GRAMD1B: variants seen among roughly 807,000 people sequenced by gnomAD.
The protein encoded by GRAMD1B is GRAM domain containing 1B.
GRAMD1B carries 37 observed loss-of-function variants against 99.7 expected under a neutral mutation model. That is an observed-to-expected ratio of 0.37 (90% CI 0.29 to 0.49). The LOEUF is 0.49. Among genes scored for constraint, GRAMD1B ranks in the 20% least tolerant of loss-of-function variants. The pLI is 0.98. For missense variants in GRAMD1B, 888 were observed against 1,009.2 expected (o/e 0.88, Z 1.63); for synonymous variants, 427 against 387.6 (o/e 1.10, Z -1.19).
rs1268660051 is a variant in GRAMD1B, at chr11:123,614,245, G to A, written c.2228-500G>A. Among the ~76,000 whole-genome samples, 4 of 152,338 alleles carry A rather than the reference G, an allele frequency of 2.6e-5. No individual in the cohort carries two copies. In the East Asian group the frequency reaches 7.7e-4, roughly 29 times the overall value. On this transcript the variant is annotated intron_variant, in intron 16 of 19. Transcript: ENST00000635736. ...GGAGGCAGAAGAAGAGGGGAGAGTGGGGGAAGAGTGCCAGCCTTCTGCATG... is the reference window on the plus strand; with the variant it reads ...GGAGGCAGAAGAAGAGGGGAGAGTGAGGGAAGAGTGCCAGCCTTCTGCATG...
chr11:123,362,518 T>A lies in GRAMD1B; in HGVS notation c.-176+3719T>A, dbSNP rs558606951. 8.5e-5 allele frequency among the ~76,000 whole-genome samples: 13 copies of A among 152,320 alleles called. No homozygotes were observed. The East Asian group carries it at 2.5e-3, about 29-fold the overall frequency. On this transcript the variant is annotated intron_variant, in intron 1 of 20. Coordinates refer to the GRAMD1B transcript ENST00000638157. ...TCAGAATTGGAGAGTGCAACTTGCA[T>A]TTATTTTTTTAAAAAAGCTTCATAA... is the stretch of plus-strand genomic sequence containing the variant.
At chr11:123,575,939 G>A (rs1948658707) in intron 2 of GRAMD1B, among the ~76,000 whole-genome samples, 1 of 152,126 alleles carries the variant, frequency 6.6e-6, no homozygotes, top group Non-Finnish European at 1.5e-5. Flanking sequence ...ATTGGGCCTT[G>A]CTTTTCTCCA....
chr11:123,448,165 G>C (rs995787776), intron 1 of GRAMD1B, among the ~76,000 whole-genome samples: 2 of 152,072 alleles, frequency 1.3e-5, no homozygotes, highest in Non-Finnish European at 2.9e-5. Context: ...CACAGAGCCT[G>C]GCCCCAGGTT....
intron 14 of GRAMD1B, among the ~76,000 whole-genome samples, chr11:123,611,565 T>G (rs1352436946): frequency 6.6e-6 from 1 of 152,194 alleles, no homozygotes; most frequent in East Asian, 1.9e-4. Context: ...TTAATTTCCC[T>G]TCCTTCTCTC....
chr11:123,469,995 A>G (rs1950929536), intron 1 of GRAMD1B, among the ~76,000 whole-genome samples: 1 of 152,206 alleles, frequency 6.6e-6, no homozygotes, highest in Admixed American at 6.5e-5. Context: ...ATAGGAGGAC[A>G]AAAAGGGAAT....
chr11:123,497,109 T>C (rs1177903409), intron 2 of GRAMD1B, among the ~76,000 whole-genome samples: 4 of 152,216 alleles, frequency 2.6e-5, no homozygotes, highest in Non-Finnish European at 5.9e-5. Flanking sequence ...TGTGAAGGCT[T>C]TTCAGGTATT....
intron 2 of GRAMD1B, among the ~76,000 whole-genome samples, chr11:123,484,617 A>G (rs1803145597): frequency 6.6e-6 from 1 of 152,078 alleles, no homozygotes; most frequent in South Asian, 2.1e-4. Context: ...TGAGGAACAG[A>G]GAGAATGTGG....
intron 1 of GRAMD1B, among the ~76,000 whole-genome samples, chr11:123,369,744 C>T (rs1041662026): frequency 6.6e-6 from 1 of 151,070 alleles, no homozygotes; most frequent in Non-Finnish European, 1.5e-5. Context: ...TGCTGGTGTG[C>T]GCCAGTGTTC....
Position 123,594,149 on chromosome 11 carries a change from C to T in GRAMD1B, c.752C>T (p.Thr251Met), listed in dbSNP as rs531490633. Residue 251 changes from threonine (T) to methionine (M), a missense_variant, in exon 5 of 20, where the codon ACG becomes ATG. By Grantham distance (81) the Thr-to-Met change is moderately conservative. This residue lies in a region of GRAMD1B where 62 missense variants were observed against 139.4 expected (regional missense o/e 0.44). Transcript: ENST00000635736. ...AAGCTCTTTAAGCAGCTTCCAGACA[C>T]GGAGCGCCTCATTGTTGGTGAGTTG... ...FRKLFKQLPD[T>M]ERLIVDYSCA... 29 of 1,611,564 alleles carry T rather than the reference C, an allele frequency of 1.8e-5. No homozygotes were observed. Among genetic ancestry groups the T allele is most frequent in the African/African-American group, 9.3e-5 (7 of 74,976 alleles).
intron 1 of GRAMD1B, among the ~76,000 whole-genome samples, chr11:123,465,696 G>C (rs1950624635): frequency 6.6e-6 from 1 of 151,822 alleles, no homozygotes; most frequent in Admixed American, 6.6e-5. Flanking sequence ...TTGAACCCGG[G>C]AGGCGGAGGT....
chr11:123,614,620 G>T, intron 16 of GRAMD1B, 125 bp from the exon 17 acceptor site: 1 of 592,358 alleles, frequency 1.7e-6, no homozygotes. Context: ...GCATATCGTT[G>T]CTGTCACAGT....
At chr11:123,364,321 A>G (rs1469400073) in intron 1 of GRAMD1B, among the ~76,000 whole-genome samples, 1 of 152,246 alleles carries the variant, frequency 6.6e-6, no homozygotes. Flanking sequence ...CTTACTAGCC[A>G]GAGACTATTC....
chr11:123,379,871 T>C (rs1318439882), intron 1 of GRAMD1B, among the ~76,000 whole-genome samples: 1 of 152,220 alleles, frequency 6.6e-6, no homozygotes, highest in African/African-American at 2.4e-5. Flanking sequence ...GTCTTTTATG[T>C]TATAACCATC....
intron 2 of GRAMD1B, among the ~76,000 whole-genome samples, chr11:123,549,265 C>A (rs1337285668): frequency 6.6e-6 from 1 of 152,076 alleles, no homozygotes; most frequent in Non-Finnish European, 1.5e-5. Flanking sequence ...ATTGTGGGGG[C>A]CGGGCGCAGC....
At chr11:123,596,557 G>A (rs778841048) in intron 7 of GRAMD1B, among the ~76,000 whole-genome samples, 1 of 152,208 alleles carries the variant, frequency 6.6e-6, no homozygotes, top group Non-Finnish European at 1.5e-5. Flanking sequence ...CTTTTCACTA[G>A]AGCCTGAAGA....
At chr11:123,430,059 GAA>G (rs1948794397), upstream of GRAMD1B, among the ~76,000 whole-genome samples, 1 of 151,982 alleles carries the variant, frequency 6.6e-6, no homozygotes, top group Non-Finnish European at 1.5e-5. Flanking sequence ...GTTGCCCTGA[GAA>G]AGTTTGGTTT....
At chr11:123,566,883 C>T (rs567559346) in intron 2 of GRAMD1B, among the ~76,000 whole-genome samples, 8 of 152,144 alleles carry the variant, frequency 5.3e-5, no homozygotes, top group African/African-American at 1.4e-4. Context: ...CACACATAGA[C>T]GTGGCCCCAG....
intron 1 of GRAMD1B, among the ~76,000 whole-genome samples, chr11:123,412,537 T>A (rs562697975): frequency 6.6e-6 from 1 of 152,282 alleles, no homozygotes; most frequent in African/African-American, 2.4e-5. Flanking sequence ...TCTGCCTAAC[T>A]CCAATGCCCC....
At chr11:123,578,215 A>T (rs1197276415) in intron 3 of GRAMD1B, among the ~76,000 whole-genome samples, 1 of 152,010 alleles carries the variant, frequency 6.6e-6, no homozygotes, top group Non-Finnish European at 1.5e-5. Context: ...GGGGAGCAGG[A>T]GATGTCTTTG....
Sources: allele counts gnomAD v4.1 joint callset (sites outside exome capture counted in the v4.1 genomes callset), GRCh38; gene constraint gnomAD v4.1.1; regional missense constraint gnomAD v4.1.1; transcripts MANE v1.5; gene names NCBI Gene and HGNC (gene_info 2026-07-23, HGNC 2026-07-21).